The following PCDHA3 variants were observed in gnomAD, a reference collection of about 807,000 sequenced individuals.
PCDHA3 encodes the protein protocadherin alpha 3.
A neutral mutation model predicts 62.2 loss-of-function variants in PCDHA3; 41 were observed. The ratio of observed to expected loss-of-function variants is 0.66; its 90% CI spans 0.51 to 0.86. The LOEUF is 0.86. PCDHA3 is among the 40% of genes least tolerant of loss of function. The pLI, the probability that PCDHA3 is intolerant of heterozygous loss-of-function variation, is 0.00. For missense variants in PCDHA3, 1,304 were observed against 1,241.2 expected (o/e 1.05, Z -0.76); for synonymous variants, 640 against 555.4 (o/e 1.15, Z -2.14).
rs2150476768 is a variant in PCDHA3, at chr5:140,850,270, G to C, written c.2394+46679G>C. On this transcript the variant is annotated intron_variant, in intron 1 of 3. Transcript: ENST00000522353. ...TCGGTGGGCGCCGGCGTAGTGGTGG[G>C]GAAGGTGCGCGCAGTGGACGCCGAC... 8 of 1,594,948 alleles carry C rather than the reference G, an allele frequency of 5.0e-6. 1 individual carries two copies. In the Admixed American group the frequency reaches 5.1e-5, roughly 10 times the overall value.
chr5:140,809,378 G>A (rs77547730), intron 1 of PCDHA3: 4 of 1,614,046 alleles, frequency 2.5e-6, no homozygotes, highest in African/African-American at 1.3e-5. Context: ...CACCGAGGGC[G>A]CGTGCGCTCC....
chr5:140,916,090 G>A (rs1464191226), intron 1 of PCDHA3, among the ~76,000 whole-genome samples: 1 of 152,160 alleles, frequency 6.6e-6, no homozygotes, highest in African/African-American at 2.4e-5. Context: ...TGGTCCACAG[G>A]GAATCTGCCT....
Position 140,856,345 on chromosome 5 carries a change from G to C in PCDHA3, c.2394+52754G>C, listed in dbSNP as rs1347690443. The C allele has an allele frequency of 8.8e-6, 14 of 1,598,640 alleles. 1 individual carries two copies. The highest frequency in any genetic ancestry group is 1.2e-5 in the Non-Finnish European group (14 of 1,168,012). ...GCGAGGAGCTGTGCGGGCGGAGCGT[G>C]GAGTGCAGCATCCACCTGGAGGTGA... is the stretch of plus-strand genomic sequence containing the variant. On this transcript the variant is annotated intron_variant, in intron 1 of 3. Transcript: ENST00000522353.
intron 1 of PCDHA3, among the ~76,000 whole-genome samples, chr5:140,941,214 C>CCTTTCTTTCTTCCTTTCTTTCTTTCTTT (rs2092876516): frequency 4.1e-5 from 5 of 122,412 alleles, no homozygotes; most frequent in Non-Finnish European, 8.5e-5. Flanking sequence ...TTTCTTTCTT[C>CCTTTCTTTCTTCCTTTCTTTCTTTCTTT]CTTTCTTTCT....
intron 1 of PCDHA3, chr5:140,876,474 C>T: frequency 6.2e-7 from 1 of 1,614,014 alleles, no homozygotes; most frequent in Non-Finnish European, 8.5e-7. Flanking sequence ...CAGGTCACAG[C>T]ATGGTCCTGG....
intron 3 of PCDHA3, among the ~76,000 whole-genome samples, chr5:141,000,361 G>GTCTCTCTCTC (rs148596731): frequency 1.1e-4 from 3 of 26,446 alleles, no homozygotes; most frequent in East Asian, 1.6e-3. Context: ...GTCTCTCTCT[G>GTCTCTCTCTC]TCTCTCTCTC....
In PCDHA3 at chr5:140,969,463, C is replaced by G. The variant is rs549074334; in HGVS notation, c.2395-9486C>G. ...CTGGTAAACTGAGTATATATAGTAT[C>G]CACAATTTGATCATAATCTGCTATT... On this transcript the variant is annotated intron_variant, in intron 1 of 3. Coordinates refer to ENST00000522353, the MANE Select transcript of PCDHA3 (RefSeq NM_018906.3). 74 of 1,491,016 alleles carry G rather than the reference C, an allele frequency of 5.0e-5. No homozygotes were observed. In the South Asian group the frequency reaches 6.0e-4, roughly 12 times the overall value. The allele number at this position is 1,491,016 out of a possible 1,614,324, so 92.4% of individuals were successfully genotyped here.
rs566725560 is a variant in PCDHA3, at chr5:140,929,099, G to T, written c.2395-49850G>T. The T allele has an allele frequency of 9.3e-6, 15 of 1,614,170 alleles. No homozygotes were observed. The African/African-American group carries it at 1.9e-4, about 20-fold the overall frequency. ...GGAAGTAAGATGGTTTCAAATCCTT[G>T]CATGACATCAGCCACCATAGATGTC... On this transcript the variant is annotated intron_variant, in intron 1 of 3. Transcript: ENST00000522353.
chr5:140,856,348 G>A (rs2043945989), intron 1 of PCDHA3: 2 of 1,598,578 alleles, frequency 1.3e-6, no homozygotes, highest in Admixed American at 1.7e-5. Context: ...GGAGCGTGGA[G>A]TGCAGCATCC....
intron 1 of PCDHA3, chr5:140,854,524 C>T (rs1220385144): frequency 6.7e-6 from 1 of 149,864 alleles, no homozygotes; most frequent in Non-Finnish European, 1.5e-5. Flanking sequence ...TTAAGTGACA[C>T]CCATTTCTGT....
chr5:140,907,697 C>T (rs1425951971), intron 1 of PCDHA3, among the ~76,000 whole-genome samples: 2 of 152,202 alleles, frequency 1.3e-5, no homozygotes, highest in African/African-American at 2.4e-5. Context: ...GTGGAAGTCC[C>T]TGTTGCTGAG....
At chr5:140,947,439 G>C (rs2094135272) in intron 1 of PCDHA3, among the ~76,000 whole-genome samples, 1 of 151,638 alleles carries the variant, frequency 6.6e-6, no homozygotes, top group African/African-American at 2.4e-5. Flanking sequence ...AAAATCAGCT[G>C]TGAAATCCTC....
chr5:140,833,342 T>C (rs183757705), intron 1 of PCDHA3, among the ~76,000 whole-genome samples: 3 of 152,278 alleles, frequency 2.0e-5, no homozygotes, highest in Admixed American at 2.0e-4. Flanking sequence ...GAGTGAAACA[T>C]TCCAGAAAAC....
Position 140,808,403 on chromosome 5 carries a change from T to C in PCDHA3, c.2394+4812T>C, listed in dbSNP as rs1190545218. On this transcript the variant is annotated intron_variant, in intron 1 of 3. Coordinates refer to ENST00000522353, the MANE Select transcript of PCDHA3 (RefSeq NM_018906.3). ...GGTGTCCACCTTCAAGAATTACTAC[T>C]CGTTGGTGCTGGACAGTGCCCTGGA... 5 of 1,614,036 alleles carry C rather than the reference T, an allele frequency of 3.1e-6. No homozygotes were observed. Among genetic ancestry groups the C allele is most frequent in the Non-Finnish European group, 4.2e-6 (5 of 1,180,052 alleles).
intron 1 of PCDHA3, among the ~76,000 whole-genome samples, chr5:140,945,769 T>C (rs1358082978): frequency 1.3e-5 from 2 of 152,036 alleles, no homozygotes; most frequent in Non-Finnish European, 2.9e-5. Flanking sequence ...TGGGACAATT[T>C]GATATCCAGA....
intron 1 of PCDHA3, among the ~76,000 whole-genome samples, chr5:140,961,023 A>G (rs1216128174): frequency 6.6e-6 from 1 of 152,146 alleles, no homozygotes. Flanking sequence ...GACACTTGCT[A>G]CCTCCTTGTT....
chr5:140,869,371 A>G (rs559164668), intron 1 of PCDHA3: 1 of 1,614,110 alleles, frequency 6.2e-7, no homozygotes, highest in East Asian at 2.2e-5. Flanking sequence ...GAATTCTCGG[A>G]TCGACCGCGA....
At chr5:140,814,209 A>G (rs1246288617) in intron 1 of PCDHA3, 4 of 149,518 alleles carry the variant, frequency 2.7e-5, no homozygotes, top group African/African-American at 1.0e-4. Context: ...TTTCACTTTT[A>G]CTTAGTGTTT....
At position 140,960,518 on chromosome 5, in the gene PCDHA3, G is replaced by A. The variant is rs555475003; in HGVS notation, c.2395-18431G>A. Among the ~76,000 whole-genome samples the A allele has an allele frequency of 2.6e-5, 4 of 152,176 alleles. No homozygotes were observed. The East Asian group carries it at 7.7e-4, about 29-fold the overall frequency. ...TTTGTTCCAAGCAGCAAACATAATG[G>A]GTATAGGAAAGAGAAACTGTGGCCT... On this transcript the variant is annotated intron_variant, in intron 1 of 3. Coordinates refer to ENST00000522353, the MANE Select transcript of PCDHA3 (RefSeq NM_018906.3).
Sources: allele counts gnomAD v4.1 joint callset (sites outside exome capture counted in the v4.1 genomes callset), GRCh38; gene constraint gnomAD v4.1.1; transcripts MANE v1.5; gene names NCBI Gene and HGNC (gene_info 2026-07-23, HGNC 2026-07-21).